EXOC6B: variants seen among roughly 807,000 people sequenced by gnomAD.
EXOC6B encodes the protein SEC15 homolog B.
Under a neutral mutation model 113.5 loss-of-function variants are expected in EXOC6B, and 54 were observed. The observed-to-expected ratio is 0.48, with a 90% confidence interval of 0.38 to 0.60. The LOEUF (loss-of-function observed/expected upper bound fraction) is 0.60. EXOC6B is among the 20% of genes least tolerant of loss of function. EXOC6B has a pLI of 0.00. For missense variants in EXOC6B, 797 were observed against 977.5 expected, an observed-to-expected ratio of 0.82 and a Z score of 2.46; for synonymous variants, 357 against 339.0, an observed-to-expected ratio of 1.05 and a Z score of -0.58.
intron 19 of EXOC6B, among the ~76,000 whole-genome samples, chr2:72,373,972 A>C (rs1206156217): frequency 6.6e-6 from 1 of 152,156 alleles, no homozygotes; most frequent in Admixed American, 6.6e-5. Flanking sequence ...AAATACAAAA[A>C]TTAGCCAGGC....
chr2:72,551,221 G>C (rs539090459), intron 8 of EXOC6B, among the ~76,000 whole-genome samples: 1 of 152,114 alleles, frequency 6.6e-6, no homozygotes, highest in South Asian at 2.1e-4. Flanking sequence ...CATAAAATCC[G>C]GAGTCTCGCT....
chr2:72,503,326 T>A (rs532809882), intron 11 of EXOC6B, among the ~76,000 whole-genome samples: 1 of 152,314 alleles, frequency 6.6e-6, no homozygotes, highest in Non-Finnish European at 1.5e-5. Flanking sequence ...GTCCCCCAAA[T>A]ACCCTGTGCT....
chr2:72,379,979 G>T (rs985223321), intron 18 of EXOC6B, 109 bp from the exon 19 acceptor site: 1 of 1,075,682 alleles, frequency 9.3e-7, no homozygotes, highest in Non-Finnish European at 1.3e-6. Context: ...TTTCCCTAAG[G>T]TTCTCCTCAT....
intron 20 of EXOC6B, among the ~76,000 whole-genome samples, chr2:72,289,879 C>G (rs1685677276): frequency 6.6e-6 from 1 of 152,106 alleles, no homozygotes; most frequent in South Asian, 2.1e-4. Context: ...AAAGTGAGAC[C>G]TCATCTCTAA....
At chr2:72,452,461 A>AT (rs1430032901) in intron 18 of EXOC6B, among the ~76,000 whole-genome samples, 1 of 152,206 alleles carries the variant, frequency 6.6e-6, no homozygotes, top group East Asian at 1.9e-4. Context: ...TGAGACAATA[A>AT]TATCTACAGG....
intron 20 of EXOC6B, among the ~76,000 whole-genome samples, chr2:72,187,009 G>A (rs1382865650): frequency 6.6e-6 from 1 of 152,196 alleles, no homozygotes; most frequent in East Asian, 1.9e-4. Context: ...GTGTGGAGCA[G>A]CAAGGGGTGT....
chr2:72,681,693 A>G (rs913842773), intron 6 of EXOC6B, among the ~76,000 whole-genome samples: 4 of 152,062 alleles, frequency 2.6e-5, no homozygotes, highest in Non-Finnish European at 5.9e-5. Flanking sequence ...ATAAAATATT[A>G]GCTGTGTACG....
intron 19 of EXOC6B, among the ~76,000 whole-genome samples, chr2:72,379,439 T>C (rs1361833567): frequency 6.6e-6 from 1 of 152,084 alleles, no homozygotes; most frequent in Non-Finnish European, 1.5e-5. Context: ...ACCAATCAGG[T>C]TTTCTTTAGT....
intron 6 of EXOC6B, among the ~76,000 whole-genome samples, chr2:72,651,123 A>C (rs1264240320): frequency 6.6e-6 from 1 of 152,232 alleles, no homozygotes; most frequent in Non-Finnish European, 1.5e-5. Flanking sequence ...CCGCAATTAC[A>C]TAAAGTAATA....
Position 72,646,212 on chromosome 2 carries a change from C to A in EXOC6B, c.670-70544G>T, listed in dbSNP as rs543831180. ...ATCTAGAAGAAATGGATAAATTCCT[C>A]GACACATACACACTCCCAAGACTAA... On this transcript the variant is annotated intron_variant, in intron 6 of 21. Transcript: ENST00000272427. Among the ~76,000 whole-genome samples, 655 of 152,008 alleles carry A rather than the reference C, an allele frequency of 4.3e-3. 6 individuals carry two copies. Among genetic ancestry groups the A allele is most frequent in the African/African-American group, 0.014 (581 of 41,502 alleles).
chr2:72,788,269 G>A (rs1168266502), intron 1 of EXOC6B, among the ~76,000 whole-genome samples: 1 of 152,144 alleles, frequency 6.6e-6, no homozygotes, highest in Admixed American at 6.5e-5. Flanking sequence ...TAGTAAATAA[G>A]CATTAACTGT....
chr2:72,636,072 A>C (rs1351530559), intron 6 of EXOC6B, among the ~76,000 whole-genome samples: 1 of 152,048 alleles, frequency 6.6e-6, no homozygotes, highest in African/African-American at 2.4e-5. Context: ...TTCTTTAAAA[A>C]ATTAGTCAGG....
At chr2:72,194,622 T>C (rs185567576) in intron 20 of EXOC6B, among the ~76,000 whole-genome samples, 4 of 152,140 alleles carry the variant, frequency 2.6e-5, no homozygotes, top group South Asian at 4.1e-4. Flanking sequence ...CATATGTGTG[T>C]GTGCACAACT....
At chr2:72,534,848 T>C (rs1196883955) in intron 8 of EXOC6B, among the ~76,000 whole-genome samples, 1 of 152,158 alleles carries the variant, frequency 6.6e-6, no homozygotes, top group Non-Finnish European at 1.5e-5. Context: ...CTATGCAGTT[T>C]TTTCTGCTTA....
At chr2:72,252,655 G>A (rs1683096398) in intron 20 of EXOC6B, among the ~76,000 whole-genome samples, 1 of 152,168 alleles carries the variant, frequency 6.6e-6, no homozygotes, top group Non-Finnish European at 1.5e-5. Context: ...TGCTTTACAA[G>A]TTGTGAGGAA....
intron 1 of EXOC6B, among the ~76,000 whole-genome samples, chr2:72,794,313 G>T (rs1056484851): frequency 1.3e-5 from 2 of 152,140 alleles, no homozygotes; most frequent in African/African-American, 4.8e-5. Context: ...AGTATCAGCT[G>T]CTCTGAAATG....
chr2:72,755,166 C>T (rs1248991312), intron 1 of EXOC6B, among the ~76,000 whole-genome samples: 2 of 152,096 alleles, frequency 1.3e-5, no homozygotes, highest in Non-Finnish European at 2.9e-5. Flanking sequence ...GGAGTACTGT[C>T]ATCTTGTTTT....
chr2:72,686,110 C>T (rs1484651907), intron 6 of EXOC6B, among the ~76,000 whole-genome samples: 1 of 152,188 alleles, frequency 6.6e-6, no homozygotes, highest in East Asian at 1.9e-4. Context: ...CTTGATAATT[C>T]CCTTTTTTTT....
chr2:72,772,449 T>G (rs1683458843), intron 1 of EXOC6B, among the ~76,000 whole-genome samples: 1 of 152,098 alleles, frequency 6.6e-6, no homozygotes. Context: ...AGCCACATGG[T>G]ACCAGGCACC....
Sources: gnomAD v4.1 joint callset for allele counts (sites outside exome capture counted in the v4.1 genomes callset) on GRCh38, gnomAD v4.1.1 for gene constraint, MANE v1.5 for transcripts, NCBI Gene and HGNC (gene_info 2026-07-23, HGNC 2026-07-21) for gene names.